OR4E2: variants seen among roughly 807,000 people sequenced by gnomAD.
OR4E2 encodes the protein olfactory receptor family 4 subfamily E member 2.
Under a neutral mutation model 11.0 loss-of-function variants are expected in OR4E2, and 9 were observed. The ratio of observed to expected loss-of-function variants is 0.82; its 90% CI spans 0.49 to 1.43. OR4E2 has a LOEUF of 1.43. Ranked by LOEUF, OR4E2 falls within the 40% of genes most tolerant of loss-of-function variation. OR4E2 has a pLI of 0.00. For missense variants in OR4E2, 441 were observed against 382.0 expected (o/e 1.15, Z -1.29); for synonymous variants, 159 against 147.3 (o/e 1.08, Z -0.57).
chr14:21,662,010 C>T (rs1342863589), intron 3 of OR4E2, among the ~76,000 whole-genome samples: 1 of 152,126 alleles, frequency 6.6e-6, no homozygotes, highest in Non-Finnish European at 1.5e-5. Flanking sequence ...AAGAGTACTC[C>T]TTTCCTTATA....
intron 2 of OR4E2, among the ~76,000 whole-genome samples, chr14:21,657,511 CTTTG>C (rs1262447518): frequency 1.1e-4 from 11 of 98,894 alleles, no homozygotes; most frequent in African/African-American, 1.5e-4. Flanking sequence ...TTCCTTCTTT[CTTTG>C]TTTTTCTTTC....
At chr14:21,655,134 T>C (rs1879870674) in intron 1 of OR4E2, among the ~76,000 whole-genome samples, 4 of 152,194 alleles carry the variant, frequency 2.6e-5, no homozygotes, top group Admixed American at 2.6e-4. Context: ...TTAACTATTA[T>C]AGTAATTAAA....
intron 2 of OR4E2, among the ~76,000 whole-genome samples, chr14:21,657,575 C>A (rs1165123055): frequency 7.8e-6 from 1 of 128,288 alleles, no homozygotes; most frequent in Non-Finnish European, 1.7e-5. Context: ...CTCTCTCTCT[C>A]CCCCTTCCCT....
rs759575540 is a variant in OR4E2 at position 21,665,680 on chromosome 14, G to T, written c.598G>T (p.Val200Leu). The T allele has an allele frequency of 2.5e-6, 4 of 1,614,124 alleles. No homozygotes were observed. The highest frequency in any genetic ancestry group is 2.2e-5 in the East Asian group (1 of 44,884). Residue 200 changes from valine to leucine, a missense_variant, in exon 4 of 4, where the codon GTG (valine) becomes TTG (leucine). By Grantham distance (32) the Val-to-Leu change is conservative. Coordinates refer to ENST00000641524, the MANE Select transcript of OR4E2 (RefSeq NM_001001912.3). ...TACATACCTCACAGGAATACTGATT[G>T]TGACCAATAGTGGAACCATCTCCCT... ...TDTYLTGILIVTNSGTISLSC... is the reference protein window; with the variant it reads ...TDTYLTGILILTNSGTISLSC...
In OR4E2 at chr14:21,665,755, C is replaced by G. The variant is rs1397470120; in HGVS notation, c.673C>G (p.Leu225Val). Reference sequence around the variant, plus strand: ...CTCCTATATGGTCATCCTGGTTTCTCTTCGAAAACACTCAGCTGAAGGGCG... The same window carrying G: ...CTCCTATATGGTCATCCTGGTTTCTGTTCGAAAACACTCAGCTGAAGGGCG... ...VTSYMVILVS[L>V]RKHSAEGRRK... Residue 225 changes from leucine (L) to valine (V), a missense_variant, in exon 4 of 4, where the codon CTT becomes GTT. Transcript: ENST00000641524. 2.5e-6 allele frequency: 4 copies of G among 1,614,048 alleles called. No homozygotes were observed. The highest frequency in any genetic ancestry group is 3.4e-6 in the Non-Finnish European group (4 of 1,180,028).
At chr14:21,662,191 A>G (rs1805854464) in intron 3 of OR4E2, among the ~76,000 whole-genome samples, 1 of 151,202 alleles carries the variant, frequency 6.6e-6, no homozygotes, top group African/African-American at 2.4e-5. Context: ...ATCAAGTTTT[A>G]AGAGATCTTG....
chr14:21,656,797 C>T (rs1319573964), intron 2 of OR4E2, among the ~76,000 whole-genome samples: 7 of 152,188 alleles, frequency 4.6e-5, no homozygotes, highest in Non-Finnish European at 5.9e-5. Context: ...ACTTTTTTAA[C>T]ATGTTGCTGC....
At position 21,666,062 on chromosome 14, in the gene OR4E2, C is replaced by A; in HGVS notation, c.*38C>A. 1 of 1,451,622 alleles carries A rather than the reference C, an allele frequency of 6.9e-7. No individual in the cohort carries two copies. The highest frequency in any genetic ancestry group is 9.5e-7 in the Non-Finnish European group (1 of 1,047,126). The allele number at this position is 1,451,622 out of a possible 1,614,324, so 89.9% of individuals were successfully genotyped here. On this transcript the variant is annotated 3_prime_UTR_variant, in exon 4 of 4. Transcript: ENST00000641524. The stretch of plus-strand genomic sequence containing the variant: ...TTGCAGACATAATTGCAGCCACATC[C>A]TTAATGAAAGAGCAAAAGTAAAGAG...
At chr14:21,660,346 C>T (rs985402722) in intron 2 of OR4E2, among the ~76,000 whole-genome samples, 1 of 152,162 alleles carries the variant, frequency 6.6e-6, no homozygotes, top group Non-Finnish European at 1.5e-5. Context: ...GGCCCAGGTG[C>T]TGGGGACCCC....
In OR4E2 at chr14:21,665,928, G is replaced by T. The variant is rs755000106; in HGVS notation, c.846G>T (p.Leu282=). ...SVFYTVVTPL[L]NPFIYTLRNE... Reference sequence around the variant, plus strand: ...TCTACACAGTGGTCACCCCTTTGCTGAATCCCTTCATTTACACCTTGAGGA... The same window carrying T: ...TCTACACAGTGGTCACCCCTTTGCTTAATCCCTTCATTTACACCTTGAGGA... The change falls in exon 4 of 4, where the codon CTG becomes CTT. Residue 282 remains leucine (L), a synonymous_variant. Coordinates refer to ENST00000641524, the MANE Select transcript of OR4E2 (RefSeq NM_001001912.3). The T allele has an allele frequency of 6.2e-7, 1 of 1,613,550 alleles. No homozygotes were observed. The highest frequency in any genetic ancestry group is 1.1e-5 in the South Asian group (1 of 90,920).
Position 21,666,031 on chromosome 14 carries a change from C to T in OR4E2, c.*7C>T, listed in dbSNP as rs12435524. The T allele has an allele frequency of 0.85, 1,362,124 of 1,597,338 alleles. 582,511 individuals are homozygous for T. Among genetic ancestry groups the T allele is most frequent in the Non-Finnish European group, 0.87 (1,015,577 of 1,168,394 alleles). On this transcript the variant is annotated 3_prime_UTR_variant, in exon 4 of 4. Coordinates refer to ENST00000641524, the MANE Select transcript of OR4E2 (RefSeq NM_001001912.3). ...CACGAAATCATATACATAATGGGCACTGGGATTGCAGACATAATTGCAGCC... is the reference window on the plus strand; with the variant it reads ...CACGAAATCATATACATAATGGGCATTGGGATTGCAGACATAATTGCAGCC...
At position 21,666,246 on chromosome 14, in the gene OR4E2, A is replaced by G. The variant is rs1880644446; in HGVS notation, c.*222A>G. 2.3e-6 allele frequency: 1 copy of G among 436,312 alleles called. No individual in the cohort carries two copies. Among genetic ancestry groups the G allele is most frequent in the South Asian group, 3.6e-5 (1 of 27,530 alleles). 27.0% of individuals were successfully genotyped at this position (436,312 alleles called of 1,614,324 possible). Reference sequence around the variant, plus strand: ...AAAGATCATAGTGGAAGTTATAAGGAAAAATAACGTGGGAAAGTTTAAAGA... The same window carrying G: ...AAAGATCATAGTGGAAGTTATAAGGGAAAATAACGTGGGAAAGTTTAAAGA... On this transcript the variant is annotated 3_prime_UTR_variant, in exon 4 of 4. Coordinates refer to ENST00000641524, the MANE Select transcript of OR4E2 (RefSeq NM_001001912.3).
intron 3 of OR4E2, 31 bp downstream of exon 3, chr14:21,660,777 G>A (rs1045368148): frequency 4.6e-5 from 7 of 151,942 alleles, no homozygotes; most frequent in African/African-American, 1.5e-4. Flanking sequence ...CTTGACCTAT[G>A]TTTTAATAGG....
intron 3 of OR4E2, among the ~76,000 whole-genome samples, chr14:21,664,045 CAG>C (rs1880486361): frequency 6.6e-6 from 1 of 152,164 alleles, no homozygotes; most frequent in African/African-American, 2.4e-5. Context: ...CTATTGTAAA[CAG>C]TGCTGCAATG....
intron 1 of OR4E2, among the ~76,000 whole-genome samples, chr14:21,654,747 T>TGAGA (rs34453088): frequency 0.13 from 19,374 of 146,400 alleles, 1,573 homozygotes; most frequent in African/African-American, 0.24. Flanking sequence ...ATATATAAAA[T>TGAGA]GAGAGAGAGA....
intron 1 of OR4E2, among the ~76,000 whole-genome samples, chr14:21,655,852 T>C (rs1000478454): frequency 2.0e-5 from 3 of 152,146 alleles, no homozygotes; most frequent in African/African-American, 7.2e-5. Flanking sequence ...TGGTAGTTAC[T>C]GATTAAAGTG....
Position 21,665,064 on chromosome 14 carries a change from T to C in OR4E2, c.-8-11T>C, listed in dbSNP as rs767838053. The C allele has an allele frequency of 9.3e-6, 13 of 1,391,590 alleles. No individual in the cohort carries two copies. Among genetic ancestry groups the C allele is most frequent in the South Asian group, 1.3e-5 (1 of 77,056 alleles). The allele number at this position is 1,391,590 out of a possible 1,614,324, so 86.2% of individuals were successfully genotyped here. The stretch of plus-strand genomic sequence containing the variant: ...TAAAACTAAATTAGCTTTCATTTTT[T>C]CCCCCCTAAGCTCATTGAATGGACA... On this transcript the variant is annotated splice_polypyrimidine_tract_variant and intron_variant, in intron 3 of 3. Coordinates refer to ENST00000641524, the MANE Select transcript of OR4E2 (RefSeq NM_001001912.3).
intron 3 of OR4E2, among the ~76,000 whole-genome samples, chr14:21,664,592 C>T (rs944092144): frequency 5.3e-5 from 8 of 151,948 alleles, no homozygotes; most frequent in African/African-American, 1.7e-4. Context: ...CTTGCTTGGT[C>T]AGAGAGAAGA....
At chr14:21,664,578 G>A (rs912583643) in intron 3 of OR4E2, among the ~76,000 whole-genome samples, 1 of 152,196 alleles carries the variant, frequency 6.6e-6, no homozygotes, top group Admixed American at 6.5e-5. Context: ...CTGGAGGACA[G>A]TGACTTGCTT....
Sources: allele counts gnomAD v4.1 joint callset (sites outside exome capture counted in the v4.1 genomes callset), GRCh38; gene constraint gnomAD v4.1.1; transcripts MANE v1.5; gene names NCBI Gene and HGNC (gene_info 2026-07-23, HGNC 2026-07-21).